Variants in RNLS observed in about 807,000 individuals in gnomAD.
The protein encoded by RNLS is renalase, FAD dependent amine oxidase.
RNLS carries 39 observed loss-of-function variants against 39.8 expected under a neutral mutation model. The observed-to-expected ratio is 0.98, with a 90% confidence interval of 0.76 to 1.28. RNLS has a LOEUF of 1.28. RNLS is among the 50% of genes most tolerant of loss of function. The probability of loss-of-function intolerance (pLI) is 0.00; values close to 1 mark genes in which losing one functional copy is unlikely to be tolerated. For synonymous variants in RNLS, 147 were observed against 150.7 expected (o/e 0.98, Z 0.18); for missense variants, 410 against 413.3 (o/e 0.99, Z 0.07).
chr10:88,416,604 T>A (rs939412013), intron 4 of RNLS, among the ~76,000 whole-genome samples: 1 of 152,206 alleles, frequency 6.6e-6, no homozygotes, highest in African/African-American at 2.4e-5. Flanking sequence ...AGGACTTTCA[T>A]TATTTTATTT....
the RNLS span, among the ~76,000 whole-genome samples, chr10:88,208,654 G>C: frequency 2.6e-5 from 4 of 152,022 alleles, no homozygotes; most frequent in Non-Finnish European, 4.4e-5. Context: ...CCTGAGACTG[G>C]GGACCATCCT....
intron 4 of RNLS, among the ~76,000 whole-genome samples, chr10:88,481,078 C>T (rs1389700360): frequency 6.6e-6 from 1 of 152,118 alleles, no homozygotes; most frequent in Non-Finnish European, 1.5e-5. Context: ...AAATAGCCCT[C>T]TATAGCATAT....
intron 5 of RNLS, among the ~76,000 whole-genome samples, chr10:88,317,601 C>T (rs1845859208): frequency 6.6e-6 from 1 of 152,130 alleles, no homozygotes; most frequent in African/African-American, 2.4e-5. Flanking sequence ...ACTGTTTTAA[C>T]CTATTTTACA....
chr10:88,572,828 G>C, intron 4 of RNLS, 75 bp downstream of exon 4: 1 of 1,496,036 alleles, frequency 6.7e-7, no homozygotes, highest in Non-Finnish European at 9.2e-7. Context: ...TTTGCGAAGA[G>C]AGTTAAACCA....
At chr10:88,582,164 A>G (rs1850618737) in intron 2 of RNLS, 38 bp downstream of exon 2, 8 of 1,497,480 alleles carry the variant, frequency 5.3e-6, no homozygotes, top group South Asian at 1.2e-5. Context: ...ACATCACACA[A>G]CTGCTAAGAT....
the RNLS span, among the ~76,000 whole-genome samples, chr10:88,186,168 A>G: frequency 7.9e-5 from 12 of 152,292 alleles, no homozygotes; most frequent in Non-Finnish European, 1.6e-4. Flanking sequence ...AACAAACCCA[A>G]TGCTTTTTAA....
chr10:88,317,504 C>T (rs1381243787), intron 5 of RNLS, among the ~76,000 whole-genome samples: 2 of 152,178 alleles, frequency 1.3e-5, no homozygotes, highest in Admixed American at 6.5e-5. Context: ...CATCAACACC[C>T]CAGCGACAAT....
At chr10:88,494,951 A>G (rs953220677) in intron 4 of RNLS, among the ~76,000 whole-genome samples, 2 of 152,128 alleles carry the variant, frequency 1.3e-5, no homozygotes, top group African/African-American at 4.8e-5. Flanking sequence ...CTTCCTTCCT[A>G]TGTCTGAAAA....
chr10:88,544,815 G>A (rs1312561894), intron 4 of RNLS, among the ~76,000 whole-genome samples: 3 of 152,088 alleles, frequency 2.0e-5, no homozygotes, highest in African/African-American at 4.8e-5. Context: ...TGGCTTTGGT[G>A]GGAAATATGA....
At chr10:88,447,251 T>G (rs918188743) in intron 4 of RNLS, among the ~76,000 whole-genome samples, 17 of 152,320 alleles carry the variant, frequency 1.1e-4, no homozygotes, top group African/African-American at 3.6e-4. Flanking sequence ...CATGATTGTA[T>G]ATCTAGAAAA....
At chr10:88,571,467 G>C (rs565199464) in intron 4 of RNLS, among the ~76,000 whole-genome samples, 9 of 152,250 alleles carry the variant, frequency 5.9e-5, no homozygotes, top group Middle Eastern at 3.4e-3. Flanking sequence ...TACTCAAAGT[G>C]ATTTAATAAA....
chr10:88,419,063 G>A (rs10887816), intron 4 of RNLS, among the ~76,000 whole-genome samples: 144,671 of 152,232 alleles, frequency 0.95, 68,843 homozygotes, highest in East Asian at 1. Context: ...GCCAACCTTA[G>A]GGTTAGGGAG....
chr10:88,221,816 CTT>C, the RNLS span, among the ~76,000 whole-genome samples: 2 of 150,088 alleles, frequency 1.3e-5, no homozygotes, highest in South Asian at 2.1e-4. Flanking sequence ...AATTGTGGCA[CTT>C]TTTTTTTTCC....
chr10:88,233,610 A>C, the RNLS span, among the ~76,000 whole-genome samples: 1 of 152,216 alleles, frequency 6.6e-6, no homozygotes, highest in African/African-American at 2.4e-5. Flanking sequence ...GGATATACCT[A>C]TCCTAGAAGA....
chr10:88,459,230 T>C (rs1842809509), intron 4 of RNLS, among the ~76,000 whole-genome samples: 1 of 151,358 alleles, frequency 6.6e-6, no homozygotes, highest in Middle Eastern at 3.2e-3. Flanking sequence ...CTTTCTCTCA[T>C]TCATTTTTAA....
At chr10:88,446,232 T>C (rs1352984352) in intron 4 of RNLS, among the ~76,000 whole-genome samples, 2 of 151,992 alleles carry the variant, frequency 1.3e-5, no homozygotes, top group African/African-American at 2.4e-5. Flanking sequence ...CATAACAAAA[T>C]GAAGGCAGAA....
chr10:88,185,508 G>T, the RNLS span, among the ~76,000 whole-genome samples: 1 of 152,014 alleles, frequency 6.6e-6, no homozygotes, highest in Non-Finnish European at 1.5e-5. Flanking sequence ...TCTTCAAGGA[G>T]CTTCGTCTTC....
Position 88,583,276 on chromosome 10 carries a change from T to C in RNLS, c.-86A>G. 1.9e-6 allele frequency: 3 copies of C among 1,565,600 alleles called. No homozygotes were observed. The South Asian group carries it at 3.6e-5, about 19-fold the overall frequency. On this transcript the variant is annotated 5_prime_UTR_variant, in exon 1 of 7. Transcript: ENST00000331772. ...TCTGGAAAGGCGGCCGAACCGGCGCTAGCGCTCTTTGGTTCCGTGCTCCCT... is the reference window on the plus strand; with the variant it reads ...TCTGGAAAGGCGGCCGAACCGGCGCCAGCGCTCTTTGGTTCCGTGCTCCCT...
At chr10:88,571,425 T>C (rs1249817229) in intron 4 of RNLS, among the ~76,000 whole-genome samples, 2 of 152,214 alleles carry the variant, frequency 1.3e-5, no homozygotes, top group Non-Finnish European at 2.9e-5. Context: ...TCACACTGTA[T>C]ACAGTATGTA....
Sources: allele counts gnomAD v4.1 joint callset (sites outside exome capture counted in the v4.1 genomes callset), GRCh38; gene constraint gnomAD v4.1.1; transcripts MANE v1.5; gene names NCBI Gene and HGNC (gene_info 2026-07-23, HGNC 2026-07-21).